KIF6: variants seen among roughly 807,000 people sequenced by gnomAD.
KIF6 encodes the protein kinesin family member 6, also known as kinesin-like protein KIF6.
In KIF6, 106 loss-of-function variants were observed where a neutral mutation model predicts 112.7. The observed-to-expected ratio is 0.94, with a 90% CI of 0.80 to 1.11. The LOEUF (loss-of-function observed/expected upper bound fraction) is 1.11, where lower values mean the gene tolerates loss of function less well. KIF6 is among the 50% of genes least tolerant of loss of function. KIF6 has a pLI of 0.00. For missense variants in KIF6, 929 were observed against 964.0 expected (o/e 0.96, Z 0.48); for synonymous variants, 339 against 339.9 (o/e 1.00, Z 0.03).
At chr6:39,457,194 C>T (rs1450850664) in intron 13 of KIF6, among the ~76,000 whole-genome samples, 1 of 151,992 alleles carries the variant, frequency 6.6e-6, no homozygotes, top group Admixed American at 6.6e-5. Flanking sequence ...TGCAATCAAA[C>T]TAGAACTCAG....
chr6:39,691,525 T>C (rs1788208424), intron 3 of KIF6: 1 of 152,206 alleles, frequency 6.6e-6, no homozygotes, highest in Non-Finnish European at 1.5e-5. Flanking sequence ...CATAATTTTT[T>C]ATATTATTAG....
chr6:39,401,565 G>A (rs190382121), intron 15 of KIF6, among the ~76,000 whole-genome samples: 83 of 152,272 alleles, frequency 5.5e-4, no homozygotes, highest in Admixed American at 3.6e-3. Flanking sequence ...CCTGCAGAGG[G>A]AGGGAGCTGG....
At chr6:39,664,274 C>T (rs1353609395) in intron 3 of KIF6, among the ~76,000 whole-genome samples, 1 of 152,078 alleles carries the variant, frequency 6.6e-6, no homozygotes, top group African/African-American at 2.4e-5. Flanking sequence ...TGAGAATCAC[C>T]ATTTCTGGAA....
Position 39,451,590 on chromosome 6 carries a change from G to A in KIF6, c.1646-20429C>T, listed in dbSNP as rs965972721. On this transcript the variant is annotated intron_variant, in intron 13 of 22. Coordinates refer to ENST00000287152, the MANE Select transcript of KIF6 (RefSeq NM_145027.6). ...TGGTTTTCCTGCCTGCAGTGGAATC[G>A]ATTACACCTGTATGTGTACATCTAT... Among the ~76,000 whole-genome samples, 3 of 152,064 alleles carry A rather than the reference G, an allele frequency of 2.0e-5. No homozygotes were observed. In the East Asian group the frequency reaches 5.8e-4, roughly 29 times the overall value.
intron 10 of KIF6, 104 bp downstream of exon 10, chr6:39,577,952 G>A (rs1439757882): frequency 1.3e-6 from 1 of 744,122 alleles, no homozygotes; most frequent in Non-Finnish European, 2.2e-6. Context: ...ACTGTCCCAG[G>A]AGACCTTCAT....
rs1562102089 is a variant in KIF6 at position 39,337,129 on chromosome 6, C to CCTCCT, written c.2429-582_2429-581insAGGAG. 1.5e-3 allele frequency among the ~76,000 whole-genome samples: 142 copies of CCTCCT among 93,412 alleles called. 5 individuals carry two copies. The highest frequency in any genetic ancestry group is 6.1e-3 in the African/African-American group (137 of 22,492). 61.3% of individuals were successfully genotyped at this position (93,412 alleles called of 152,430 possible). The stretch of plus-strand genomic sequence containing the variant: ...TTTCTTCTCTTTCTTTCTTTCTTTC[C>CCTCCT]TCCTTCCTTCCTTCCTTTCTCTTTC... On this transcript the variant is annotated intron_variant, in intron 22 of 22. Transcript: ENST00000287152.
chr6:39,452,856 C>T (rs1282164830), intron 13 of KIF6, among the ~76,000 whole-genome samples: 1 of 152,166 alleles, frequency 6.6e-6, no homozygotes, highest in African/African-American at 2.4e-5. Context: ...GCAAAATCAA[C>T]CCTTGCAGTC....
At chr6:39,723,624 C>T (rs1163047599) in intron 1 of KIF6, among the ~76,000 whole-genome samples, 3 of 152,164 alleles carry the variant, frequency 2.0e-5, no homozygotes, top group African/African-American at 7.2e-5. Flanking sequence ...AACCATCATT[C>T]TCAGCAAACT....
intron 13 of KIF6, among the ~76,000 whole-genome samples, chr6:39,514,321 A>G (rs1776944102): frequency 6.6e-6 from 1 of 152,224 alleles, no homozygotes; most frequent in South Asian, 2.1e-4. Context: ...CCTTTGGGAA[A>G]TTAAATGGCT....
At chr6:39,395,743 T>A (rs1768220897) in intron 15 of KIF6, among the ~76,000 whole-genome samples, 1 of 152,110 alleles carries the variant, frequency 6.6e-6, no homozygotes, top group Non-Finnish European at 1.5e-5. Context: ...GTGGGACAGG[T>A]ATATTCCATC....
In KIF6 at chr6:39,578,139, C is replaced by T. The variant is rs1781077220; in HGVS notation, c.1098G>A (p.Lys366=). The T allele has an allele frequency of 1.2e-6, 2 of 1,613,694 alleles. No homozygotes were observed. The highest frequency in any genetic ancestry group is 8.5e-7 in the Non-Finnish European group (1 of 1,179,652). Residue 366 remains lysine, a synonymous_variant, in exon 10 of 23, where the codon AAG becomes AAA. Transcript: ENST00000287152. ...NPRLVIKRLQ[K]EIQELKDELA... The stretch of plus-strand genomic sequence containing the variant: ...GTTCATCCTTCAGTTCCTGGATTTC[C>T]TTTTGTAGGCGTTTAATCACCTACA...
intron 5 of KIF6, among the ~76,000 whole-genome samples, chr6:39,620,825 G>A (rs867085812): frequency 2.0e-5 from 3 of 151,980 alleles, no homozygotes; most frequent in Non-Finnish European, 2.9e-5. Context: ...CTGAAGTGCA[G>A]TGGCACGATC....
intron 22 of KIF6, among the ~76,000 whole-genome samples, chr6:39,338,070 G>C (rs1484910519): frequency 6.6e-6 from 1 of 152,196 alleles, no homozygotes; most frequent in Non-Finnish European, 1.5e-5. Context: ...TGTGAGAACT[G>C]GTAAGAGTGA....
chr6:39,422,522 C>T (rs1038892433), intron 14 of KIF6, among the ~76,000 whole-genome samples: 2 of 152,216 alleles, frequency 1.3e-5, no homozygotes, highest in East Asian at 1.9e-4. Flanking sequence ...TGGAAGTTGT[C>T]ACCACTCCAG....
intron 13 of KIF6, among the ~76,000 whole-genome samples, chr6:39,431,547 T>C (rs1771158481): frequency 6.6e-6 from 1 of 152,220 alleles, no homozygotes. Context: ...TTCTGTTAAA[T>C]TTCCAGGCAT....
intron 3 of KIF6, among the ~76,000 whole-genome samples, chr6:39,644,170 A>G (rs1307944094): frequency 2.0e-5 from 3 of 152,132 alleles, no homozygotes; most frequent in Admixed American, 6.5e-5. Context: ...CAAAAAAAAA[A>G]AGAGACAATG....
chr6:39,525,154 T>C (rs1293510757), intron 13 of KIF6, among the ~76,000 whole-genome samples: 1 of 152,158 alleles, frequency 6.6e-6, no homozygotes, highest in Non-Finnish European at 1.5e-5. Context: ...GAATTTTTTT[T>C]ATTTTTTAGA....
At chr6:39,598,109 C>T (rs781584685) in intron 6 of KIF6, among the ~76,000 whole-genome samples, 1 of 152,130 alleles carries the variant, frequency 6.6e-6, no homozygotes, top group African/African-American at 2.4e-5. Flanking sequence ...ATACCTTGAA[C>T]CCCGGAGGCA....
In KIF6 at chr6:39,378,904, C is replaced by T. The variant is rs1179903888; in HGVS notation, c.1861+6718G>A. Among the ~76,000 whole-genome samples the T allele has an allele frequency of 6.6e-6, 1 of 152,168 alleles. No homozygotes were observed. Among genetic ancestry groups the T allele is most frequent in the Non-Finnish European group, 1.5e-5 (1 of 68,050 alleles). On this transcript the variant is annotated intron_variant, in intron 16 of 22. Coordinates refer to ENST00000287152, the MANE Select transcript of KIF6 (RefSeq NM_145027.6). This position sits in a 1 kb window ranked among gnomAD's most constrained non-coding sequence, Gnocchi z 5.0. ...AAGCTGAGTACCCGGATCCTATTATCTTGGCCGCTCACATAAACGCTTTCA... is the reference window on the plus strand; with the variant it reads ...AAGCTGAGTACCCGGATCCTATTATTTTGGCCGCTCACATAAACGCTTTCA...
Sources: gnomAD v4.1 joint callset for allele counts (sites outside exome capture counted in the v4.1 genomes callset) on GRCh38, gnomAD v4.1.1 for gene constraint, Gnocchi (gnomAD v3.1) non-coding constraint, MANE v1.5 for transcripts, NCBI Gene and HGNC (gene_info 2026-07-23, HGNC 2026-07-21) for gene names.